The following XRCC5 variants were observed in gnomAD, a reference collection of about 807,000 sequenced individuals.
The protein encoded by XRCC5 is DNA repair protein Ku80.
XRCC5 carries 12 observed loss-of-function variants against 95.7 expected under a neutral mutation model. That is an observed-to-expected ratio of 0.13 (90% CI 0.08 to 0.20). XRCC5 has a LOEUF of 0.20. Ranked by LOEUF, XRCC5 falls within the 10% of genes least tolerant of loss-of-function variation. The pLI is 1.00. For missense variants in XRCC5, 595 were observed against 873.9 expected (o/e 0.68, Z 4.02); for synonymous variants, 281 against 290.3 (o/e 0.97, Z 0.33).
chr2:216,132,466 T>C, intron 10 of XRCC5, 79 bp downstream of exon 10: 1 of 1,417,986 alleles, frequency 7.1e-7, no homozygotes, highest in Non-Finnish European at 9.9e-7. Flanking sequence ...TTGGGGCTTT[T>C]ATAGTTTAAA....
intron 14 of XRCC5, among the ~76,000 whole-genome samples, chr2:216,152,837 A>G (rs946482793): frequency 1.3e-5 from 2 of 151,858 alleles, no homozygotes; most frequent in African/African-American, 2.4e-5. Context: ...TTGTCGAGAT[A>G]GAGTCTTACT....
In XRCC5 at chr2:216,127,598, A is replaced by T; in HGVS notation, c.861A>T (p.Glu287Asp). The part of the protein sequence containing the change: ...TVVDAKTLKK[E>D]DIQKETVYCL... The stretch of plus-strand genomic sequence containing the variant: ...TGGATGCAAAAACCCTAAAAAAAGA[A>T]GATATACAAAAAGAAACAGTTTATT... Residue 287 changes from glutamate to aspartate, a missense_variant, in exon 8 of 21, where the codon GAA becomes GAT. Coordinates refer to ENST00000392132, the MANE Select transcript of XRCC5 (RefSeq NM_021141.4). 1.2e-6 allele frequency: 2 copies of T among 1,612,632 alleles called. No individual in the cohort carries two copies. Among genetic ancestry groups the T allele is most frequent in the Non-Finnish European group, 8.5e-7 (1 of 1,179,530 alleles).
chr2:216,187,074 TGG>T (rs1237761231), intron 16 of XRCC5, among the ~76,000 whole-genome samples: 1 of 152,186 alleles, frequency 6.6e-6, no homozygotes, highest in African/African-American at 2.4e-5. Flanking sequence ...AAAAGTAGTC[TGG>T]GTAGAGGGAC....
intron 6 of XRCC5, among the ~76,000 whole-genome samples, chr2:216,125,070 A>G (rs1469802521): frequency 6.6e-6 from 1 of 152,230 alleles, no homozygotes; most frequent in Non-Finnish European, 1.5e-5. Flanking sequence ...TTATATACAT[A>G]TAAAAATGTG....
rs1696614136 is a variant in XRCC5, at chr2:216,112,890, C to T, written c.22-126C>T. ...GTCTTACACACATTCTTATGTAGAA[C>T]ACATCCCTTTTTCACACCTTTCCTA... On this transcript the variant is annotated intron_variant, in intron 1 of 20. Coordinates refer to ENST00000392132, the MANE Select transcript of XRCC5 (RefSeq NM_021141.4). 4.3e-6 allele frequency: 3 copies of T among 693,758 alleles called. No individual in the cohort carries two copies. The East Asian group carries it at 7.7e-5, about 18-fold the overall frequency. 43.0% of individuals were successfully genotyped at this position (693,758 alleles called of 1,614,324 possible). A position where few individuals can be genotyped will look rare whatever the true frequency, so the allele number is the denominator to read the frequency against.
At chr2:216,132,295 A>G in intron 9 of XRCC5, 30 bp from the exon 10 acceptor site, 1 of 1,607,796 alleles carries the variant, frequency 6.2e-7, no homozygotes, top group Non-Finnish European at 8.5e-7. Flanking sequence ...CTTATTTTGG[A>G]TCAAAAGCAA....
chr2:216,111,912 T>G (rs1696597257), intron 1 of XRCC5, among the ~76,000 whole-genome samples: 1 of 152,192 alleles, frequency 6.6e-6, no homozygotes, highest in Admixed American at 6.5e-5. Flanking sequence ...GTCTCCCGAT[T>G]GCTATTATCT....
In XRCC5 at chr2:216,149,849, G is replaced by A. The variant is rs770131779; in HGVS notation, c.1670+1573G>A. On this transcript the variant is annotated intron_variant, in intron 14 of 20. Transcript: ENST00000392132. Reference sequence around the variant, plus strand: ...GGGTGTGCTGAGCTTCTTGTTCTTTGCTCCCATAATGGCTCGCAGCATAGC... The same window carrying A: ...GGGTGTGCTGAGCTTCTTGTTCTTTACTCCCATAATGGCTCGCAGCATAGC... Among the ~76,000 whole-genome samples, 32 of 152,168 alleles carry A rather than the reference G, an allele frequency of 2.1e-4. 1 individual carries two copies. Among genetic ancestry groups the A allele is most frequent in the Non-Finnish European group, 1.5e-4 (10 of 68,036 alleles).
intron 3 of XRCC5, chr2:216,117,131 C>G (rs1240282677): frequency 2.8e-6 from 1 of 360,556 alleles, no homozygotes; most frequent in Non-Finnish European, 5.1e-6. Context: ...TGAGCATTGA[C>G]TATATGCAGA....
chr2:216,199,248 A>G (rs1307073139), intron 19 of XRCC5, among the ~76,000 whole-genome samples: 2 of 152,244 alleles, frequency 1.3e-5, no homozygotes, highest in East Asian at 3.8e-4. Context: ...AAATGTTGAC[A>G]TTTGAAAGGA....
chr2:216,175,782 G>A (rs1270304530), intron 16 of XRCC5: 1 of 446,072 alleles, frequency 2.2e-6, no homozygotes, highest in African/African-American at 2.1e-5. Flanking sequence ...ACAAGAGAAA[G>A]CCATAAAACC....
Position 216,137,162 on chromosome 2 carries a change from T to C in XRCC5, c.1188T>C (p.Ala396=). The C allele has an allele frequency of 6.2e-7, 1 of 1,614,030 alleles. No homozygotes were observed. The change falls in exon 11 of 21, where the codon GCT becomes GCC. Residue 396 remains alanine (A), a synonymous_variant. Coordinates refer to ENST00000392132, the MANE Select transcript of XRCC5 (RefSeq NM_021141.4). The part of the protein sequence containing the change: ...DLDMVAIVRY[A]YDKRANPQVG... ...ACATGGTGGCCATAGTTCGATATGCTTATGACAAAAGAGCTAATCCTCAAG... is the reference window on the plus strand; with the variant it reads ...ACATGGTGGCCATAGTTCGATATGCCTATGACAAAAGAGCTAATCCTCAAG...
intron 16 of XRCC5, among the ~76,000 whole-genome samples, chr2:216,166,091 A>C (rs1458532901): frequency 6.6e-6 from 1 of 151,832 alleles, no homozygotes; most frequent in Non-Finnish European, 1.5e-5. Context: ...CCATTCTATC[A>C]CCACAGAGTT....
chr2:216,187,926 T>C (rs966665068), intron 16 of XRCC5, among the ~76,000 whole-genome samples: 2 of 149,702 alleles, frequency 1.3e-5, no homozygotes, highest in Non-Finnish European at 3.0e-5. Context: ...CTTCTTCAGC[T>C]CCCTTTCCAC....
rs1574439379 is a variant in XRCC5, at chr2:216,204,080, C to T, written c.2110-242C>T. The T allele has an allele frequency of 1.6e-5, 8 of 507,810 alleles. No individual in the cohort carries two copies. The East Asian group carries it at 1.8e-4, about 11-fold the overall frequency. 31.5% of individuals were successfully genotyped at this position (507,810 alleles called of 1,614,324 possible). A position where few individuals can be genotyped will look rare whatever the true frequency, so the allele number is the denominator to read the frequency against. ...CTCGACAAGCCATGTTCTTTCCTCC[C>T]TCTTCGTGAGCACTTTCTCTGGTGA... On this transcript the variant is annotated intron_variant, in intron 19 of 20. Transcript: ENST00000392132.
Position 216,205,184 on chromosome 2 carries a change from A to C in XRCC5, c.2185-4A>C. 1.2e-6 allele frequency: 2 copies of C among 1,613,920 alleles called. No individual in the cohort carries two copies. Among genetic ancestry groups the C allele is most frequent in the South Asian group, 2.2e-5 (2 of 91,068 alleles). On this transcript the variant is annotated splice_polypyrimidine_tract_variant and splice_region_variant and intron_variant, in intron 20 of 20. Transcript: ENST00000392132. ...CTTTCTAAGTGTGTTGTTCTTGTTC[A>C]CAGTTGGACATGATATAGGTCGTGG... is the stretch of plus-strand genomic sequence containing the variant.
rs147129524 is a variant in XRCC5, at chr2:216,137,150, A to T, written c.1176A>T (p.Ile392=). Residue 392 remains isoleucine (I), a synonymous_variant, in exon 11 of 21, where the codon ATA becomes ATT. Transcript: ENST00000392132. ...TGGATGACTTAGACATGGTGGCCAT[A>T]GTTCGATATGCTTATGACAAAAGAG... ...HALDDLDMVA[I]VRYAYDKRAN... The T allele has an allele frequency of 2.1e-4, 338 of 1,614,098 alleles. No homozygotes were observed. The African/African-American group carries it at 2.4e-3, about 11-fold the overall frequency.
intron 6 of XRCC5, among the ~76,000 whole-genome samples, chr2:216,124,881 G>C (rs979005949): frequency 6.6e-6 from 1 of 152,074 alleles, no homozygotes; most frequent in Non-Finnish European, 1.5e-5. Flanking sequence ...TTGATTATGG[G>C]CCAGATGAAA....
At chr2:216,116,916 CA>C (rs1696707780) in intron 3 of XRCC5, 74 bp downstream of exon 3, 1 of 1,526,972 alleles carries the variant, frequency 6.5e-7, no homozygotes, top group Admixed American at 1.8e-5. Flanking sequence ...TTTGATGAGA[CA>C]CCCCCAGAGT....
Sources: gnomAD v4.1 joint callset for allele counts (sites outside exome capture counted in the v4.1 genomes callset) on GRCh38, gnomAD v4.1.1 for gene constraint, MANE v1.5 for transcripts, NCBI Gene and HGNC (gene_info 2026-07-23, HGNC 2026-07-21) for gene names.